Variants in ARMC2 observed in about 807,000 individuals in gnomAD.
ARMC2 encodes the protein armadillo repeat containing 2, also known as armadillo repeat-containing protein 2.
A neutral mutation model predicts 90.3 loss-of-function variants in ARMC2; 67 were observed. That is an observed-to-expected ratio of 0.74 (90% CI 0.61 to 0.91). The LOEUF (loss-of-function observed/expected upper bound fraction) is 0.91. Among genes scored for constraint, ARMC2 ranks in the 40% least tolerant of loss-of-function variants. The pLI is 0.00. For synonymous variants in ARMC2, 393 were observed against 393.0 expected (o/e 1.00, Z 0.00); for missense variants, 920 against 1,030.9 (o/e 0.89, Z 1.47).
At chr6:109,053,015 T>A in the ARMC2 span, among the ~76,000 whole-genome samples, 1 of 152,122 alleles carries the variant, frequency 6.6e-6, no homozygotes, top group African/African-American at 2.4e-5. Flanking sequence ...TATACGTCAC[T>A]ATTCAATAAA....
intron 11 of ARMC2, among the ~76,000 whole-genome samples, chr6:108,930,035 A>G (rs1378903597): frequency 6.6e-6 from 1 of 151,864 alleles, no homozygotes; most frequent in African/African-American, 2.4e-5. Context: ...GCTGAGGTGG[A>G]AAGATTGCTT....
chr6:108,901,778 A>G lies in ARMC2; in HGVS notation c.847+1986A>G, dbSNP rs546396679. Among the ~76,000 whole-genome samples the G allele has an allele frequency of 5.9e-5, 9 of 152,344 alleles. No individual in the cohort carries two copies. The South Asian group carries it at 1.5e-3, about 25-fold the overall frequency. ...TATCTGGAAATTACCATACAATACT[A>G]TAAAAATCTTACTCAAATTTTGCCA... On this transcript the variant is annotated intron_variant, in intron 7 of 17. Transcript: ENST00000392644.
At chr6:109,013,428 C>T in the ARMC2 span, among the ~76,000 whole-genome samples, 1 of 152,202 alleles carries the variant, frequency 6.6e-6, no homozygotes, top group East Asian at 1.9e-4. Flanking sequence ...ATGCCTCAAA[C>T]TCTTGTTTTT....
chr6:108,963,314 T>C (rs1009710733), intron 15 of ARMC2, among the ~76,000 whole-genome samples: 2 of 152,170 alleles, frequency 1.3e-5, no homozygotes, highest in Admixed American at 1.3e-4. Context: ...TCCATGTTCG[T>C]AATGGAAAAT....
intron 14 of ARMC2, 70 bp from the exon 15 acceptor site, chr6:108,961,944 G>A: frequency 8.6e-7 from 1 of 1,165,650 alleles, no homozygotes; most frequent in Non-Finnish European, 1.2e-6. Context: ...TAAGTATGAT[G>A]TTGATTTCCA....
the ARMC2 span, among the ~76,000 whole-genome samples, chr6:109,032,688 G>T: frequency 2.0e-5 from 3 of 152,038 alleles, no homozygotes; most frequent in African/African-American, 4.8e-5. Context: ...AAATATGGAA[G>T]AATATAAATT....
In ARMC2 at chr6:108,965,053, A is replaced by C. The variant is rs1171868784; in HGVS notation, c.2359A>C (p.Asn787His). ...CTGCTTGGTTTGTAAAACTTTATGGAACTTCAGTGAAAACATCACTAATGC... is the reference window on the plus strand; with the variant it reads ...CTGCTTGGTTTGTAAAACTTTATGGCACTTCAGTGAAAACATCACTAATGC... ...LACLVCKTLW[N>H]FSENITNASS... The change falls in exon 17 of 18, where the codon AAC (asparagine) becomes CAC (histidine). Residue 787 changes from asparagine (N) to histidine (H), a missense_variant. Physicochemically the swap from Asn to His is moderately conservative, Grantham distance 68 (BLOSUM62 1). Transcript: ENST00000392644. 1 of 1,613,640 alleles carries C rather than the reference A, an allele frequency of 6.2e-7. No individual in the cohort carries two copies. The highest frequency in any genetic ancestry group is 8.5e-7 in the Non-Finnish European group (1 of 1,179,712).
chr6:108,889,718 G>A (rs542570735), intron 5 of ARMC2, among the ~76,000 whole-genome samples: 1 of 151,844 alleles, frequency 6.6e-6, no homozygotes, highest in East Asian at 1.9e-4. Context: ...CAAAGTGGTG[G>A]CATTACAGTC....
At chr6:108,965,769 C>G (rs975181412) in intron 17 of ARMC2, among the ~76,000 whole-genome samples, 1 of 151,854 alleles carries the variant, frequency 6.6e-6, no homozygotes, top group African/African-American at 2.4e-5. Context: ...CTCTGTCTCT[C>G]AAGTAGCTGG....
chr6:108,895,214 G>A (rs1303761082), intron 6 of ARMC2, among the ~76,000 whole-genome samples: 2 of 151,258 alleles, frequency 1.3e-5, no homozygotes, highest in Non-Finnish European at 2.9e-5. Context: ...TGTAATCCCA[G>A]CACTTTGGGA....
Position 108,973,192 on chromosome 6 carries a change from A to G in ARMC2, c.2447-165A>G, listed in dbSNP as rs79322273. On this transcript the variant is annotated intron_variant, in intron 17 of 17. Transcript: ENST00000392644. ...TAAAATAAAATAAAATGATGTATTC[A>G]TAAAGAACAGAAGAGAGTAAAGAAC... 8.8e-3 allele frequency among the ~76,000 whole-genome samples: 1,335 copies of G among 152,310 alleles called. 24 individuals are homozygous for G. Among genetic ancestry groups the G allele is most frequent in the African/African-American group, 0.031 (1,282 of 41,550 alleles).
At chr6:108,929,478 T>G (rs117180867) in intron 11 of ARMC2, among the ~76,000 whole-genome samples, 1 of 152,266 alleles carries the variant, frequency 6.6e-6, no homozygotes, top group East Asian at 1.9e-4. Flanking sequence ...GATGAATCCT[T>G]CACTTTTTGT....
chr6:109,013,285 G>A, the ARMC2 span, among the ~76,000 whole-genome samples: 1 of 152,288 alleles, frequency 6.6e-6, no homozygotes, highest in East Asian at 1.9e-4. Context: ...AAGGAGATGA[G>A]TTAGGCTGCT....
At chr6:108,988,663 T>G in the ARMC2 span, 6 of 1,609,920 alleles carry the variant, frequency 3.7e-6, no homozygotes, top group Non-Finnish European at 5.1e-6. Flanking sequence ...GCTGGTTAAT[T>G]TCACCATAGT....
chr6:108,861,203 C>T (rs892802694), intron 3 of ARMC2, among the ~76,000 whole-genome samples: 1 of 152,198 alleles, frequency 6.6e-6, no homozygotes, highest in African/African-American at 2.4e-5. Context: ...TACCAGTTCC[C>T]TAGGCTTTAT....
intron 1 of ARMC2, among the ~76,000 whole-genome samples, chr6:108,852,075 G>A (rs1344928793): frequency 6.6e-6 from 1 of 152,142 alleles, no homozygotes; most frequent in Non-Finnish European, 1.5e-5. Context: ...TAGAATTTCT[G>A]TAGGACTATT....
chr6:109,042,613 T>C, the ARMC2 span, among the ~76,000 whole-genome samples: 1 of 151,634 alleles, frequency 6.6e-6, no homozygotes, highest in Non-Finnish European at 1.5e-5. Context: ...TTTGACAAGT[T>C]AGACAAAATG....
At chr6:108,924,163 AAGTGACTG>A (rs1774885137) in intron 10 of ARMC2, 2 of 152,186 alleles carry the variant, frequency 1.3e-5, no homozygotes, top group Non-Finnish European at 1.5e-5. Flanking sequence ...GAAGGAGAGG[AAGTGACTG>A]ATCAGCCTCG....
At chr6:108,875,475 T>C (rs1384138667) in intron 4 of ARMC2, among the ~76,000 whole-genome samples, 1 of 152,086 alleles carries the variant, frequency 6.6e-6, no homozygotes, top group East Asian at 1.9e-4. Flanking sequence ...AGAGCCTCCA[T>C]ACCAGCTGGT....
Sources: allele counts gnomAD v4.1 joint callset (sites outside exome capture counted in the v4.1 genomes callset), GRCh38; gene constraint gnomAD v4.1.1; transcripts MANE v1.5; gene names NCBI Gene and HGNC (gene_info 2026-07-23, HGNC 2026-07-21).